The following OTOF variants were observed in gnomAD, a reference collection of about 807,000 sequenced individuals.
OTOF encodes the protein otoferlin, also known as fer-1-like family member 2.
Under a neutral mutation model 236.8 loss-of-function variants are expected in OTOF, and 218 were observed. The ratio of observed to expected loss-of-function variants is 0.92; its 90% CI spans 0.82 to 1.03. The LOEUF (loss-of-function observed/expected upper bound fraction) is 1.03. Ranked by LOEUF, OTOF falls within the 50% of genes least tolerant of loss-of-function variation. OTOF has a pLI of 0.00. For synonymous variants in OTOF, 1,041 were observed against 1,072.5 expected, an observed-to-expected ratio of 0.97 and a Z score of 0.57; for missense variants, 2,590 against 2,694.4, an observed-to-expected ratio of 0.96 and a Z score of 0.86.
In OTOF at chr2:26,523,000, C is replaced by A. The variant is rs557201744; in HGVS notation, c.228-3891G>T. On this transcript the variant is annotated intron_variant, in intron 3 of 46. Transcript: ENST00000272371. ...GGAAAAGGCCTCCAGCCCAGATGGGCCCACAGACTGATCACAATAGAGCGG... is the reference window on the plus strand; with the variant it reads ...GGAAAAGGCCTCCAGCCCAGATGGGACCACAGACTGATCACAATAGAGCGG... 6.6e-5 allele frequency among the ~76,000 whole-genome samples: 10 copies of A among 152,372 alleles called. No homozygotes were observed. In the South Asian group the frequency reaches 2.1e-3, roughly 32 times the overall value.
intron 29 of OTOF, 59 bp from the exon 30 acceptor site, chr2:26,472,708 T>C: frequency 1.3e-6 from 2 of 1,580,926 alleles, no homozygotes; most frequent in Non-Finnish European, 1.7e-6. Flanking sequence ...AACAGTGAGA[T>C]TGGCGGGGCA....
chr2:26,475,450 A>G lies in OTOF; in HGVS notation c.3035T>C (p.Val1012Ala), dbSNP rs1665208617. The G allele has an allele frequency of 3.1e-6, 5 of 1,612,986 alleles. No homozygotes were observed. The East Asian group carries it at 1.1e-4, about 36-fold the overall frequency. ...TLCPTWDQML[V>A]FDNLELYGEA... is the part of the protein sequence containing the mutation. ...ACCATAGAGCTCCAGGTTGTCGAAC[A>G]CCAGCATCTGGTCCCAGGTGGGACA... is the stretch of plus-strand genomic sequence containing the variant. Residue 1012 changes from valine (V) to alanine (A), a missense_variant, in exon 25 of 47, where the codon GTG becomes GCG. Coordinates refer to ENST00000272371, the MANE Select transcript of OTOF (RefSeq NM_194248.3).
intron 5 of OTOF, among the ~76,000 whole-genome samples, chr2:26,514,341 G>T (rs569150857): frequency 1.4e-4 from 22 of 152,390 alleles, no homozygotes; most frequent in African/African-American, 5.0e-4. Flanking sequence ...TGCTACCCTG[G>T]GAGGGGCCAC....
chr2:26,475,537 G>C, intron 24 of OTOF, 44 bp from the exon 25 acceptor site: 2 of 1,604,062 alleles, frequency 1.2e-6, no homozygotes, highest in Non-Finnish European at 1.7e-6. Flanking sequence ...GACAGAGGGG[G>C]GGGCAGATGC....
chr2:26,554,165 CAAA>C lies in OTOF; in HGVS notation c.79+4325_79+4327del, dbSNP rs34196608. Among the ~76,000 whole-genome samples, 16 of 79,586 alleles carry C rather than the reference CAAA, an allele frequency of 2.0e-4. 1 individual carries two copies. Among genetic ancestry groups the C allele is most frequent in the South Asian group, 1.7e-3 (3 of 1,798 alleles). The allele number at this position is 79,586 out of a possible 152,430, so 52.2% of individuals were successfully genotyped here. ...TCCAGCCTGGCGACAGAGCGAGACT[CAAA>C]AAAAAAAAAAAAAAAAAAAATCGTT... On this transcript the variant is annotated intron_variant, in intron 1 of 46. Transcript: ENST00000272371.
In OTOF at chr2:26,502,350, C is replaced by T. The variant is rs745785393; in HGVS notation, c.660G>A (p.Ser220=). The change falls in exon 7 of 47, where the codon TCG becomes TCA. Residue 220 remains serine, a synonymous_variant. Coordinates refer to ENST00000272371, the MANE Select transcript of OTOF (RefSeq NM_194248.3). ...GAGCTGTGACTGAGGCTAGAGACACCGAGTCGGGATCCAGTCCATCTCCTA... is the reference window on the plus strand; with the variant it reads ...GAGCTGTGACTGAGGCTAGAGACACTGAGTCGGGATCCAGTCCATCTCCTA... The part of the protein sequence containing the change: ...IRLGDGLDPD[S]VSLASVTALT... 3.9e-5 allele frequency: 63 copies of T among 1,613,854 alleles called. 1 individual carries two copies. The highest frequency in any genetic ancestry group is 1.0e-4 in the Admixed American group (6 of 59,992).
rs182924788 is a variant in OTOF, at chr2:26,513,925, C to T, written c.509+2493G>A. On this transcript the variant is annotated intron_variant, in intron 5 of 46. Coordinates refer to ENST00000272371, the MANE Select transcript of OTOF (RefSeq NM_194248.3). The stretch of plus-strand genomic sequence containing the variant: ...GGGTGAGATGCAACATCTAGGGCTG[C>T]GGGGCCAGCTTCCAGGTCCCCCTCC... Among the ~76,000 whole-genome samples, 12 of 152,320 alleles carry T rather than the reference C, an allele frequency of 7.9e-5. No homozygotes were observed. In the East Asian group the frequency reaches 1.2e-3, roughly 15 times the overall value.
chr2:26,528,871 G>A (rs550831089), intron 2 of OTOF, among the ~76,000 whole-genome samples: 1 of 152,336 alleles, frequency 6.6e-6, no homozygotes, highest in African/African-American at 2.4e-5. Flanking sequence ...ATGGTGATTA[G>A]ATACCTGCAA....
chr2:26,540,559 TC>T (rs1303775185), intron 1 of OTOF, among the ~76,000 whole-genome samples: 1 of 152,148 alleles, frequency 6.6e-6, no homozygotes, highest in Non-Finnish European at 1.5e-5. Flanking sequence ...GGTGGCCTCA[TC>T]TGTTTAGTAA....
At chr2:26,511,621 C>T (rs563935710) in intron 5 of OTOF, among the ~76,000 whole-genome samples, 14 of 152,338 alleles carry the variant, frequency 9.2e-5, no homozygotes, top group African/African-American at 2.6e-4. Context: ...CTAACCTTTA[C>T]GTTGGGCAAG....
At chr2:26,463,919 G>A in intron 40 of OTOF, 45 bp downstream of exon 40, 1 of 1,609,722 alleles carries the variant, frequency 6.2e-7, no homozygotes, top group Non-Finnish European at 8.5e-7. Context: ...GGGATCCCTG[G>A]TCCCCAATAC....
chr2:26,491,648 G>A (rs1002352478), intron 9 of OTOF, among the ~76,000 whole-genome samples: 8 of 152,288 alleles, frequency 5.3e-5, no homozygotes, highest in African/African-American at 1.7e-4. Flanking sequence ...GGATGGTGGC[G>A]CTCCCAAGAT....
chr2:26,478,571 C>T (rs939494994), intron 18 of OTOF, among the ~76,000 whole-genome samples: 1 of 152,074 alleles, frequency 6.6e-6, no homozygotes, highest in African/African-American at 2.4e-5. Flanking sequence ...CCAGTCAGTG[C>T]CCATGGCTCA....
chr2:26,551,284 C>G (rs1667456857), intron 1 of OTOF, among the ~76,000 whole-genome samples: 1 of 152,252 alleles, frequency 6.6e-6, no homozygotes, highest in South Asian at 2.1e-4. Flanking sequence ...AGCCACCATG[C>G]CCAGCCCTTT....
Position 26,489,295 on chromosome 2 carries a change from C to T in OTOF, c.961G>A (p.Val321Met). 14 of 1,611,132 alleles carry T rather than the reference C, an allele frequency of 8.7e-6. No homozygotes were observed. Among genetic ancestry groups the T allele is most frequent in the Non-Finnish European group, 1.0e-5 (12 of 1,178,820 alleles). The change falls in exon 11 of 47, where the codon GTG (valine) becomes ATG (methionine). Residue 321 changes from valine (V) to methionine (M), a missense_variant and splice_region_variant. Physicochemically the swap from Val to Met is conservative, Grantham distance 21. Transcript: ENST00000272371. ...VMFDKIIKIS[V>M]IHSKNLLRSG... ...CGCAGCAGGTTCTTGGAGTGAATCA[C>T]CTTTCAGGCAGAACCACAGCCCACC...
chr2:26,496,112 C>G (rs1201102716), intron 8 of OTOF, among the ~76,000 whole-genome samples: 2 of 152,188 alleles, frequency 1.3e-5, no homozygotes, highest in Non-Finnish European at 2.9e-5. Flanking sequence ...TTACTTATAT[C>G]CTGGGAAGCC....
At chr2:26,546,748 G>GTTTTT (rs35627471) in intron 1 of OTOF, among the ~76,000 whole-genome samples, 2 of 142,138 alleles carry the variant, frequency 1.4e-5, no homozygotes, top group Admixed American at 7.0e-5. Context: ...TACATGTTTG[G>GTTTTT]TTTTTTTTTT....
At chr2:26,474,713 C>A in intron 25 of OTOF, 39 bp from the exon 26 acceptor site, 1 of 1,608,832 alleles carries the variant, frequency 6.2e-7, no homozygotes, top group Non-Finnish European at 8.5e-7. Flanking sequence ...TTGGTGCTTG[C>A]TGTCCACACC....
intron 30 of OTOF, chr2:26,472,194 G>A: frequency 2.5e-6 from 1 of 404,702 alleles, no homozygotes; most frequent in South Asian, 2.1e-5. Flanking sequence ...ATGCATACAT[G>A]CACGATGCAC....
Sources: allele counts gnomAD v4.1 joint callset (sites outside exome capture counted in the v4.1 genomes callset), GRCh38; gene constraint gnomAD v4.1.1; transcripts MANE v1.5; gene names NCBI Gene and HGNC (gene_info 2026-07-23, HGNC 2026-07-21).